The following BCAS1 variants were observed in gnomAD, a reference collection of about 807,000 sequenced individuals.
BCAS1 encodes breast carcinoma-amplified sequence 1.
In BCAS1, 46 loss-of-function variants were observed where a neutral mutation model predicts 65.4. That is an observed-to-expected ratio of 0.70 (90% CI 0.55 to 0.90). The LOEUF is 0.90. BCAS1 is among the 40% of genes least tolerant of loss of function. The probability of loss-of-function intolerance (pLI) is 0.00; values close to 1 mark genes in which losing one functional copy is unlikely to be tolerated. For synonymous variants in BCAS1, 298 were observed against 293.5 expected, an observed-to-expected ratio of 1.02 and a Z score of -0.16; for missense variants, 793 against 771.2, an observed-to-expected ratio of 1.03 and a Z score of -0.33.
At chr20:53,963,247 C>T (rs557793902) in intron 10 of BCAS1, among the ~76,000 whole-genome samples, 3 of 151,634 alleles carry the variant, frequency 2.0e-5, no homozygotes, top group South Asian at 2.1e-4. Flanking sequence ...TTTGGGAGTC[C>T]GAGGCGGGTG....
chr20:54,030,484 A>G (rs937190523), intron 3 of BCAS1, among the ~76,000 whole-genome samples: 2 of 152,232 alleles, frequency 1.3e-5, no homozygotes, highest in Non-Finnish European at 2.9e-5. Context: ...TGCTTGCTCT[A>G]TCTGTAGTCA....
At chr20:53,972,146 A>C (rs1389897436) in intron 9 of BCAS1, among the ~76,000 whole-genome samples, 1 of 152,230 alleles carries the variant, frequency 6.6e-6, no homozygotes, top group Non-Finnish European at 1.5e-5. Flanking sequence ...GAATAAACTC[A>C]ACCACATTTT....
chr20:53,956,747 T>C (rs1159792468), intron 11 of BCAS1, among the ~76,000 whole-genome samples: 4 of 152,110 alleles, frequency 2.6e-5, no homozygotes, highest in Non-Finnish European at 5.9e-5. Context: ...CTCTATATTG[T>C]CAAAACTACT....
rs2089252138 is a variant in BCAS1, at chr20:53,944,727, A to G, written c.*195T>C. ...GACCTGCTAAACCATCTTTACTGTTATTTGCCAGAAAAGACTGGACCAGAG... is the reference window on the plus strand; with the variant it reads ...GACCTGCTAAACCATCTTTACTGTTGTTTGCCAGAAAAGACTGGACCAGAG... On this transcript the variant is annotated 3_prime_UTR_variant, in exon 13 of 13. Coordinates refer to ENST00000688948, the MANE Select transcript of BCAS1 (RefSeq NM_001366298.2). 3.3e-6 allele frequency: 2 copies of G among 607,594 alleles called. No homozygotes were observed. Among genetic ancestry groups the G allele is most frequent in the Non-Finnish European group, 3.0e-6 (1 of 337,980 alleles). 37.6% of individuals were successfully genotyped at this position (607,594 alleles called of 1,614,324 possible). A position where few individuals can be genotyped will look rare whatever the true frequency, so the allele number is the denominator to read the frequency against.
chr20:53,951,800 A>C (rs2089534563), intron 12 of BCAS1, among the ~76,000 whole-genome samples: 1 of 152,244 alleles, frequency 6.6e-6, no homozygotes, highest in African/African-American at 2.4e-5. Flanking sequence ...CCTTCCTCAC[A>C]TCAATGAAAC....
chr20:54,056,419 G>A (rs1297647776), intron 3 of BCAS1, among the ~76,000 whole-genome samples: 3 of 152,106 alleles, frequency 2.0e-5, no homozygotes, highest in Non-Finnish European at 4.4e-5. Flanking sequence ...ATACCGGGGC[G>A]TAGGGTAGCA....
chr20:53,966,491 GA>G (rs1177237462), intron 10 of BCAS1, among the ~76,000 whole-genome samples: 1 of 152,164 alleles, frequency 6.6e-6, no homozygotes, highest in Non-Finnish European at 1.5e-5. Flanking sequence ...AAGGTTGGGA[GA>G]AGGGTGAGGG....
chr20:54,065,702 C>G (rs899682751), intron 1 of BCAS1, among the ~76,000 whole-genome samples: 1 of 152,192 alleles, frequency 6.6e-6, no homozygotes, highest in African/African-American at 2.4e-5. Context: ...GTAAATTCGT[C>G]TGTGGTGGTG....
chr20:54,037,238 G>C (rs1191206550), intron 3 of BCAS1, among the ~76,000 whole-genome samples: 1 of 151,288 alleles, frequency 6.6e-6, no homozygotes, highest in Non-Finnish European at 1.5e-5. Flanking sequence ...GAAGTCAAAG[G>C]GGGAGCAAGG....
intron 4 of BCAS1, among the ~76,000 whole-genome samples, chr20:54,016,742 C>A (rs990170597): frequency 6.6e-6 from 1 of 152,230 alleles, no homozygotes; most frequent in Admixed American, 6.5e-5. Context: ...TGTCCTCTGG[C>A]ATCTTTTCTG....
intron 1 of BCAS1, among the ~76,000 whole-genome samples, chr20:54,068,900 A>G (rs1027379570): frequency 6.6e-6 from 1 of 152,018 alleles, no homozygotes; most frequent in East Asian, 1.9e-4. Context: ...GCCTTTTTCA[A>G]TTCCTCTCCC....
chr20:54,033,339 C>G (rs1425696819), intron 3 of BCAS1, among the ~76,000 whole-genome samples: 4 of 148,172 alleles, frequency 2.7e-5, no homozygotes, highest in Non-Finnish European at 6.0e-5. Context: ...AAAAACCATT[C>G]AAAAGATCAG....
At chr20:53,971,066 G>A (rs972605622) in intron 9 of BCAS1, among the ~76,000 whole-genome samples, 4 of 152,132 alleles carry the variant, frequency 2.6e-5, no homozygotes, top group African/African-American at 4.8e-5. Flanking sequence ...ACATGGTCAA[G>A]CTCCTTGACT....
chr20:54,030,516 G>T (rs761532084), intron 3 of BCAS1, among the ~76,000 whole-genome samples: 1 of 152,144 alleles, frequency 6.6e-6, no homozygotes, highest in African/African-American at 2.4e-5. Context: ...ATATCTGTTT[G>T]CAGGAAGACA....
At chr20:54,004,848 T>C (rs957280392) in intron 4 of BCAS1, among the ~76,000 whole-genome samples, 1 of 152,200 alleles carries the variant, frequency 6.6e-6, no homozygotes, top group Admixed American at 6.5e-5. Flanking sequence ...CATCTACACC[T>C]CTGCAGTACT....
At chr20:54,057,592 C>T (rs890038810) in intron 3 of BCAS1, among the ~76,000 whole-genome samples, 1 of 152,232 alleles carries the variant, frequency 6.6e-6, no homozygotes, top group African/African-American at 2.4e-5. Flanking sequence ...ATGGCTGAAT[C>T]ATATTGCCCC....
At chr20:53,962,036 T>C (rs189721030) in intron 10 of BCAS1, among the ~76,000 whole-genome samples, 50 of 152,302 alleles carry the variant, frequency 3.3e-4, no homozygotes, top group Admixed American at 7.2e-4. Context: ...GAGACCCTCT[T>C]AGGGTAGAAA....
At chr20:54,055,029 G>C (rs571536768) in intron 3 of BCAS1, among the ~76,000 whole-genome samples, 3 of 152,240 alleles carry the variant, frequency 2.0e-5, no homozygotes, top group African/African-American at 7.2e-5. Context: ...ACAGGTGAGA[G>C]AGGAAAGAAA....
rs116112925 is a variant in BCAS1, at chr20:54,040,940, C to T, written c.143-11968G>A. On this transcript the variant is annotated intron_variant, in intron 3 of 12. Transcript: ENST00000688948. ...GAAAAGTGGAAACAACCCAAATATCCATCAATTGGAAAAAGGAAATCTAGC... is the reference window on the plus strand; with the variant it reads ...GAAAAGTGGAAACAACCCAAATATCTATCAATTGGAAAAAGGAAATCTAGC... Among the ~76,000 whole-genome samples, 452 of 151,312 alleles carry T rather than the reference C, an allele frequency of 3.0e-3. 9 individuals carry two copies. Among genetic ancestry groups the T allele is most frequent in the African/African-American group, 0.01 (434 of 41,420 alleles).
Sources: allele counts gnomAD v4.1 joint callset (sites outside exome capture counted in the v4.1 genomes callset), GRCh38; gene constraint gnomAD v4.1.1; transcripts MANE v1.5; gene names NCBI Gene and HGNC (gene_info 2026-07-23, HGNC 2026-07-21).